NIPAL2: variants seen among roughly 807,000 people sequenced by gnomAD.
NIPAL2 encodes the protein NIPA-like protein 2.
In NIPAL2, 43 loss-of-function variants were observed where a neutral mutation model predicts 48.9. The observed-to-expected ratio is 0.88, with a 90% CI of 0.69 to 1.13. The LOEUF is 1.13. NIPAL2 is among the 50% of genes most tolerant of loss of function. The pLI, the probability that NIPAL2 is intolerant of heterozygous loss-of-function variation, is 0.00. For synonymous variants in NIPAL2, 167 were observed against 174.6 expected, an observed-to-expected ratio of 0.96 and a Z score of 0.34; for missense variants, 446 against 461.4, an observed-to-expected ratio of 0.97 and a Z score of 0.31.
intron 3 of NIPAL2, among the ~76,000 whole-genome samples, chr8:98,249,598 ATATT>A (rs1459078278): frequency 8.1e-5 from 12 of 147,980 alleles, no homozygotes; most frequent in African/African-American, 2.5e-4. Context: ...ATATGTAACT[ATATT>A]TAATATATAT....
chr8:98,222,853 C>G (rs963761237), intron 4 of NIPAL2, among the ~76,000 whole-genome samples: 1 of 152,190 alleles, frequency 6.6e-6, no homozygotes, highest in Non-Finnish European at 1.5e-5. Context: ...CTGGATAAAT[C>G]CCAGCATCTT....
chr8:98,273,972 A>G (rs1815306359), intron 1 of NIPAL2, among the ~76,000 whole-genome samples: 1 of 152,046 alleles, frequency 6.6e-6, no homozygotes, highest in Non-Finnish European at 1.5e-5. Context: ...GTTTTCTGAA[A>G]AAGTTTCTAA....
At chr8:98,268,464 T>C (rs905396523) in intron 1 of NIPAL2, among the ~76,000 whole-genome samples, 2 of 151,838 alleles carry the variant, frequency 1.3e-5, no homozygotes, top group African/African-American at 4.8e-5. Flanking sequence ...CTACTAAATA[T>C]ATAAAAATTA....
chr8:98,272,432 T>C (rs1431577454), intron 1 of NIPAL2, among the ~76,000 whole-genome samples: 1 of 152,240 alleles, frequency 6.6e-6, no homozygotes. Flanking sequence ...GGGAGATTTA[T>C]TGAATACCAG....
intron 3 of NIPAL2, among the ~76,000 whole-genome samples, chr8:98,248,612 G>A (rs533354008): frequency 3.3e-5 from 5 of 152,288 alleles, no homozygotes; most frequent in East Asian, 1.9e-4. Flanking sequence ...GAACCCTGGC[G>A]GTGTGGCCCT....
chr8:98,214,425 A>G (rs907826764), intron 5 of NIPAL2, among the ~76,000 whole-genome samples: 1 of 152,146 alleles, frequency 6.6e-6, no homozygotes, highest in Non-Finnish European at 1.5e-5. Context: ...CGGCCTCCCA[A>G]AGTGCTGGGA....
chr8:98,228,671 C>A (rs922709223), intron 4 of NIPAL2, among the ~76,000 whole-genome samples: 11 of 150,730 alleles, frequency 7.3e-5, no homozygotes, highest in Non-Finnish European at 1.6e-4. Flanking sequence ...TCTCAGGATG[C>A]ATCTCAGGAT....
intron 8 of NIPAL2, among the ~76,000 whole-genome samples, chr8:98,202,703 A>G (rs1272421399): frequency 6.6e-6 from 1 of 152,198 alleles, no homozygotes; most frequent in African/African-American, 2.4e-5. Context: ...GAGGCAAATA[A>G]ACCTCTTTTA....
chr8:98,222,266 T>C (rs1356057462), intron 5 of NIPAL2, among the ~76,000 whole-genome samples: 1 of 152,168 alleles, frequency 6.6e-6, no homozygotes, highest in Non-Finnish European at 1.5e-5. Flanking sequence ...GATTAATCGA[T>C]GTGGAAATTG....
intron 5 of NIPAL2, among the ~76,000 whole-genome samples, chr8:98,221,689 T>G (rs1305653354): frequency 6.6e-6 from 1 of 152,168 alleles, no homozygotes; most frequent in Admixed American, 6.6e-5. Context: ...ATGCTATCCC[T>G]CATGCTTATC....
At chr8:98,221,993 A>T (rs1198077568) in intron 5 of NIPAL2, among the ~76,000 whole-genome samples, 1 of 152,240 alleles carries the variant, frequency 6.6e-6, no homozygotes, top group Non-Finnish European at 1.5e-5. Flanking sequence ...ACATATGTTT[A>T]TTGTGGCACT....
chr8:98,247,496 G>T (rs1432362645), intron 3 of NIPAL2, among the ~76,000 whole-genome samples: 1 of 152,162 alleles, frequency 6.6e-6, no homozygotes, highest in Non-Finnish European at 1.5e-5. Context: ...TTGCAATGCA[G>T]AGAGTCTCCA....
At chr8:98,239,991 T>C (rs1316756834) in intron 3 of NIPAL2, among the ~76,000 whole-genome samples, 1 of 152,200 alleles carries the variant, frequency 6.6e-6, no homozygotes, top group Non-Finnish European at 1.5e-5. Context: ...ACAATAACCA[T>C]TGCCTAATGA....
intron 4 of NIPAL2, among the ~76,000 whole-genome samples, chr8:98,226,475 A>G (rs1463115146): frequency 6.6e-6 from 1 of 152,162 alleles, no homozygotes; most frequent in Non-Finnish European, 1.5e-5. Flanking sequence ...TAGTTCTTGC[A>G]GATTTGTAGA....
At chr8:98,204,092 C>T (rs1016750663) in intron 7 of NIPAL2, among the ~76,000 whole-genome samples, 26 of 152,188 alleles carry the variant, frequency 1.7e-4, no homozygotes, top group African/African-American at 6.0e-4. Context: ...AGTTTACCCC[C>T]AATTGTGTCT....
At chr8:98,235,081 C>T (rs763269897) in intron 4 of NIPAL2, among the ~76,000 whole-genome samples, 1 of 152,124 alleles carries the variant, frequency 6.6e-6, no homozygotes, top group Admixed American at 6.5e-5. Flanking sequence ...CAAGACATTA[C>T]GCTCAAGGGA....
chr8:98,289,998 C>G (rs529180712), intron 1 of NIPAL2, among the ~76,000 whole-genome samples: 35 of 152,306 alleles, frequency 2.3e-4, no homozygotes, highest in Admixed American at 1.8e-3. Context: ...CGCATGGACT[C>G]TTACCACATT....
chr8:98,258,549 T>G (rs1014741631), intron 1 of NIPAL2, among the ~76,000 whole-genome samples: 2 of 152,162 alleles, frequency 1.3e-5, no homozygotes, highest in African/African-American at 4.8e-5. Flanking sequence ...CTTCTACATT[T>G]GAGTCCTTGT....
chr8:98,258,691 T>C (rs1263210972), intron 1 of NIPAL2, among the ~76,000 whole-genome samples: 1 of 152,208 alleles, frequency 6.6e-6, no homozygotes, highest in African/African-American at 2.4e-5. Context: ...TTCTGAGTGT[T>C]CAAACTGTGT....
Sources: allele counts gnomAD v4.1 joint callset (sites outside exome capture counted in the v4.1 genomes callset), GRCh38; gene constraint gnomAD v4.1.1; transcripts MANE v1.5; gene names NCBI Gene and HGNC (gene_info 2026-07-23, HGNC 2026-07-21).